GUCA1C: variants seen among roughly 807,000 people sequenced by gnomAD.
GUCA1C encodes guanylyl cyclase-activating protein 3.
Under a neutral mutation model 16.2 loss-of-function variants are expected in GUCA1C, and 15 were observed. The ratio of observed to expected loss-of-function variants is 0.93; its 90% confidence interval spans 0.62 to 1.43. The LOEUF (loss-of-function observed/expected upper bound fraction) is 1.43, where lower values mean the gene tolerates loss of function less well. GUCA1C is among the 40% of genes most tolerant of loss of function. The pLI is 0.00. For synonymous variants in GUCA1C, 78 were observed against 85.4 expected (o/e 0.91, Z 0.48); for missense variants, 275 against 244.8 (o/e 1.12, Z -0.82).
chr3:108,931,510 T>G (rs1189720329), intron 1 of GUCA1C, among the ~76,000 whole-genome samples: 1 of 152,264 alleles, frequency 6.6e-6, no homozygotes, highest in East Asian at 1.9e-4. Context: ...ATTTCAGTAT[T>G]CTGTCATGCA....
chr3:108,953,420 G>C (rs1243332078), intron 1 of GUCA1C, 139 bp downstream of exon 1: 1 of 622,932 alleles, frequency 1.6e-6, no homozygotes, highest in East Asian at 2.7e-5. Flanking sequence ...TTACCTACAA[G>C]CTGTGAGTTG....
At chr3:108,930,787 G>A (rs751129785) in intron 1 of GUCA1C, among the ~76,000 whole-genome samples, 2 of 152,106 alleles carry the variant, frequency 1.3e-5, no homozygotes, top group South Asian at 2.1e-4. Context: ...TTACCTTTTC[G>A]CTGCTTGCCT....
chr3:108,944,531 T>G (rs1054132359), intron 1 of GUCA1C, among the ~76,000 whole-genome samples: 2 of 152,280 alleles, frequency 1.3e-5, no homozygotes. Flanking sequence ...TGCATGCTGT[T>G]TGTAAGTGAC....
At chr3:108,928,682 T>C (rs1946642984) in intron 1 of GUCA1C, among the ~76,000 whole-genome samples, 1 of 152,230 alleles carries the variant, frequency 6.6e-6, no homozygotes, top group Admixed American at 6.5e-5. Context: ...TCAGCACCAT[T>C]TGTTGAAAAG....
Position 108,952,463 on chromosome 3 carries a change from A to G in GUCA1C, c.204+1096T>C, listed in dbSNP as rs143218806. Among the ~76,000 whole-genome samples, 794 of 152,330 alleles carry G rather than the reference A, an allele frequency of 5.2e-3. 19 individuals carry two copies. Among genetic ancestry groups the G allele is most frequent in the African/African-American group, 0.018 (766 of 41,578 alleles). The stretch of plus-strand genomic sequence containing the variant: ...ATTTGGTAACAAAGCACAAAAGACC[A>G]TACCATAATGTCCTAAAGAAATCTG... On this transcript the variant is annotated intron_variant, in intron 1 of 3. Coordinates refer to ENST00000261047, the MANE Select transcript of GUCA1C (RefSeq NM_005459.4).
intron 3 of GUCA1C, among the ~76,000 whole-genome samples, chr3:108,914,300 C>G (rs1946485518): frequency 6.6e-6 from 1 of 152,116 alleles, no homozygotes; most frequent in African/African-American, 2.4e-5. Context: ...CTTCAAGTTC[C>G]TTTCTAATCA....
intron 1 of GUCA1C, among the ~76,000 whole-genome samples, chr3:108,936,100 A>G (rs1946724775): frequency 6.6e-6 from 1 of 152,096 alleles, no homozygotes; most frequent in African/African-American, 2.4e-5. Flanking sequence ...CCCCGTCTCT[A>G]CAAAAAATAC....
At chr3:108,925,698 C>T (rs995219819) in intron 1 of GUCA1C, among the ~76,000 whole-genome samples, 2 of 152,166 alleles carry the variant, frequency 1.3e-5, no homozygotes, top group African/African-American at 4.8e-5. Flanking sequence ...TCTTAATGAC[C>T]TGTGTAGTGG....
At chr3:108,929,482 A>G (rs2107295863) in intron 1 of GUCA1C, among the ~76,000 whole-genome samples, 1 of 152,290 alleles carries the variant, frequency 6.6e-6, no homozygotes, top group South Asian at 2.1e-4. Context: ...GACTTCCAGT[A>G]AAATGTTGAA....
chr3:108,931,581 A>G (rs1946665645), intron 1 of GUCA1C, among the ~76,000 whole-genome samples: 1 of 152,204 alleles, frequency 6.6e-6, no homozygotes, highest in Non-Finnish European at 1.5e-5. Flanking sequence ...TCTTTCTGTT[A>G]AGATTTTGTA....
intron 1 of GUCA1C, among the ~76,000 whole-genome samples, chr3:108,925,824 C>A (rs1250643632): frequency 6.6e-6 from 1 of 151,836 alleles, no homozygotes; most frequent in Non-Finnish European, 1.5e-5. Context: ...TAGTGGCTCA[C>A]GCCTGTAATC....
At chr3:108,931,215 T>TGACTGCATTTTTCAATGTG (rs1559844804) in intron 1 of GUCA1C, among the ~76,000 whole-genome samples, 1 of 151,724 alleles carries the variant, frequency 6.6e-6, no homozygotes, top group Non-Finnish European at 1.5e-5. Flanking sequence ...TCCACTTCAG[T>TGACTGCATTTTTCAATGTG]GACTGCATTT....
upstream of GUCA1C, among the ~76,000 whole-genome samples, chr3:108,954,837 C>T (rs1033849369): frequency 6.0e-5 from 9 of 150,850 alleles, no homozygotes; most frequent in Admixed American, 1.3e-4. Flanking sequence ...CCTGGGTTCA[C>T]GCCATTCTCC....
At chr3:108,927,975 A>G (rs1288584106) in intron 1 of GUCA1C, among the ~76,000 whole-genome samples, 1 of 152,120 alleles carries the variant, frequency 6.6e-6, no homozygotes, top group Non-Finnish European at 1.5e-5. Context: ...TGTAGTAATT[A>G]TTTTTGCTCT....
At chr3:108,936,657 G>C (rs1203202925) in intron 1 of GUCA1C, among the ~76,000 whole-genome samples, 1 of 152,212 alleles carries the variant, frequency 6.6e-6, no homozygotes, top group South Asian at 2.1e-4. Flanking sequence ...GATGGGACAC[G>C]TTCAGTGCAG....
At position 108,916,151 on chromosome 3, in the gene GUCA1C, G is replaced by A; in HGVS notation, c.418C>T (p.His140Tyr). 1 of 1,612,938 alleles carries A rather than the reference G, an allele frequency of 6.2e-7. No homozygotes were observed. Among genetic ancestry groups the A allele is most frequent in the Non-Finnish European group, 8.5e-7 (1 of 1,178,998 alleles). Residue 140 changes from histidine (H) to tyrosine (Y), a missense_variant, in exon 3 of 4, where the codon CAT (histidine) becomes TAT (tyrosine). Transcript: ENST00000261047. Reference protein sequence around the residue: ...SPEEFINLVFHKIDINNDGEL... With the variant: ...SPEEFINLVFYKIDINNDGEL... ...CCATCATTGTTTATATCGATCTTAT[G>A]GAACACCAAGTTGATGAATTCTTCA...
At chr3:108,920,781 C>T (rs1465928054) in intron 1 of GUCA1C, among the ~76,000 whole-genome samples, 196 bp from the exon 2 acceptor site, 4 of 151,980 alleles carry the variant, frequency 2.6e-5, no homozygotes, top group Non-Finnish European at 4.4e-5. Flanking sequence ...TACAATTAAG[C>T]GCCTTAAGTA....
At position 108,908,088 on chromosome 3, in the gene GUCA1C, T is replaced by C; in HGVS notation, c.564A>G (p.Pro188=). ...ATTTGGAGGAGTCTGTCTCCATGTC[T>C]GGCTGCTTCCCATTACAGATTACTC... is the stretch of plus-strand genomic sequence containing the variant. The part of the protein sequence containing the change: ...VLRVICNGKQ[P]DMETDSSKSP... The change falls in exon 4 of 4, where the codon CCA becomes CCG. Residue 188 remains proline, a synonymous_variant. Coordinates refer to ENST00000261047, the MANE Select transcript of GUCA1C (RefSeq NM_005459.4). 1 of 1,614,036 alleles carries C rather than the reference T, an allele frequency of 6.2e-7. No individual in the cohort carries two copies. Among genetic ancestry groups the C allele is most frequent in the Non-Finnish European group, 8.5e-7 (1 of 1,179,894 alleles).
chr3:108,928,486 T>C (rs1370504047), intron 1 of GUCA1C, among the ~76,000 whole-genome samples: 1 of 152,238 alleles, frequency 6.6e-6, no homozygotes, highest in East Asian at 1.9e-4. Flanking sequence ...GTTATGCCTT[T>C]AGCATTGTAT....
Sources: allele counts gnomAD v4.1 joint callset (sites outside exome capture counted in the v4.1 genomes callset), GRCh38; gene constraint gnomAD v4.1.1; transcripts MANE v1.5; gene names NCBI Gene and HGNC (gene_info 2026-07-23, HGNC 2026-07-21).